The following FBLN2 variants were observed in gnomAD, a reference collection of about 807,000 sequenced individuals.
FBLN2 encodes fibulin-2.
Under a neutral mutation model 123.7 loss-of-function variants are expected in FBLN2, and 81 were observed. The ratio of observed to expected loss-of-function variants is 0.65; its 90% CI spans 0.55 to 0.79. The LOEUF (loss-of-function observed/expected upper bound fraction) is 0.79, where lower values mean the gene tolerates loss of function less well. FBLN2 is among the 30% of genes least tolerant of loss of function. FBLN2 has a pLI of 0.00. For synonymous variants in FBLN2, 699 were observed against 701.4 expected (o/e 1.00, Z 0.05); for missense variants, 1,603 against 1,681.3 (o/e 0.95, Z 0.81).
chr3:13,615,514 T>C (rs1403837130), intron 5 of FBLN2, among the ~76,000 whole-genome samples: 1 of 152,220 alleles, frequency 6.6e-6, no homozygotes, highest in Non-Finnish European at 1.5e-5. Context: ...CCTAGTTCCT[T>C]TGCTTACCTG....
chr3:13,634,510 C>A (rs140011283), intron 16 of FBLN2, among the ~76,000 whole-genome samples: 1 of 152,268 alleles, frequency 6.6e-6, no homozygotes, highest in South Asian at 2.1e-4. Flanking sequence ...CCTGCCCCAC[C>A]CACATAAGCT....
intron 2 of FBLN2, among the ~76,000 whole-genome samples, chr3:13,584,817 A>G (rs113709176): frequency 2.6e-5 from 4 of 152,354 alleles, no homozygotes; most frequent in African/African-American, 7.2e-5. Flanking sequence ...AGCAGCCTCA[A>G]GCTCATCTCT....
At chr3:13,626,376 G>C in intron 9 of FBLN2, 69 bp from the exon 10 acceptor site, 1 of 1,439,852 alleles carries the variant, frequency 6.9e-7, no homozygotes, top group Admixed American at 2.1e-5. Flanking sequence ...GTGGCCCAAG[G>C]TCTGCTGGCT....
intron 2 of FBLN2, among the ~76,000 whole-genome samples, chr3:13,579,011 C>T (rs9857459): frequency 5.2e-4 from 79 of 152,316 alleles, no homozygotes; most frequent in African/African-American, 1.1e-3. Context: ...GCCACGATCA[C>T]GCCTTTGCAC....
chr3:13,634,750 C>T (rs11711559), intron 16 of FBLN2, among the ~76,000 whole-genome samples: 33,298 of 152,084 alleles, frequency 0.22, 3,785 homozygotes, highest in East Asian at 0.32. Flanking sequence ...TGAGCTGACC[C>T]GCTACAAGAG....
rs767836418 is a variant in FBLN2, at chr3:13,631,315, CCTCT to C, written c.3086-9_3086-6del. 1 of 1,599,146 alleles carries C rather than the reference CCTCT, an allele frequency of 6.3e-7. No homozygotes were observed. The highest frequency in any genetic ancestry group is 1.3e-5 in the African/African-American group (1 of 74,804). On this transcript the variant is annotated splice_polypyrimidine_tract_variant and intron_variant, in intron 15 of 17. Coordinates refer to ENST00000404922, the MANE Select transcript of FBLN2 (RefSeq NM_001004019.2). ...TGGACGAGGTTCACCAGGGGCTGAACCTCTCTCTGACAGACATCGACGAGTGTGC... is the reference window on the plus strand; with the variant it reads ...TGGACGAGGTTCACCAGGGGCTGAACCTCTGACAGACATCGACGAGTGTGC...
chr3:13,589,713 C>G (rs1350713246), intron 2 of FBLN2, among the ~76,000 whole-genome samples: 2 of 152,182 alleles, frequency 1.3e-5, no homozygotes, highest in Non-Finnish European at 2.9e-5. Flanking sequence ...ACACAATTAC[C>G]AATTCCCTAA....
At chr3:13,588,068 T>C (rs1704562981) in intron 2 of FBLN2, among the ~76,000 whole-genome samples, 1 of 152,250 alleles carries the variant, frequency 6.6e-6, no homozygotes, top group Non-Finnish European at 1.5e-5. Flanking sequence ...CTGAATTAAC[T>C]GAGACCTGTC....
Position 13,618,114 on chromosome 3 carries a change from C to T in FBLN2, c.1768C>T (p.Leu590=), listed in dbSNP as rs1278898290. Residue 590 remains leucine, a synonymous_variant, in exon 6 of 18, where the codon CTG becomes TTG. Transcript: ENST00000404922. The part of the protein sequence containing the change: ...AEMAGREALS[L]GTEAELPNSL... ...GATGGCGGGCCGAGAGGCCCTGTCA[C>T]TGGGCACAGAGGCCGAGCTGCCGAA... 4 of 1,613,386 alleles carry T rather than the reference C, an allele frequency of 2.5e-6. No individual in the cohort carries two copies. The African/African-American group carries it at 4.0e-5, about 16-fold the overall frequency.
chr3:13,634,680 G>A (rs941534008), intron 16 of FBLN2, among the ~76,000 whole-genome samples: 2 of 152,336 alleles, frequency 1.3e-5, no homozygotes, highest in Non-Finnish European at 1.5e-5. Flanking sequence ...TCACTTCTGC[G>A]CCACCCTGGG....
chr3:13,570,945 A>C lies in FBLN2; in HGVS notation c.590A>C (p.Tyr197Ser). ...CCCGAGCGACACTACGAAGACCCCTACAGCTATGACCAGGAGGTGGCCGAG... is the reference window on the plus strand; with the variant it reads ...CCCGAGCGACACTACGAAGACCCCTCCAGCTATGACCAGGAGGTGGCCGAG... ...GDPERHYEDP[Y>S]SYDQEVAEVE... Residue 197 changes from tyrosine (Y) to serine (S), a missense_variant, in exon 2 of 18, where the codon TAC (tyrosine) becomes TCC (serine). By Grantham distance (144) the Tyr-to-Ser change is moderately radical (BLOSUM62 -2). Transcript: ENST00000404922. The C allele has an allele frequency of 6.2e-7, 1 of 1,612,824 alleles. No individual in the cohort carries two copies. The highest frequency in any genetic ancestry group is 8.5e-7 in the Non-Finnish European group (1 of 1,179,560).
chr3:13,560,740 CCTT>C (rs1250073912), intron 1 of FBLN2, among the ~76,000 whole-genome samples: 1 of 152,176 alleles, frequency 6.6e-6, no homozygotes, highest in African/African-American at 2.4e-5. Context: ...CCTGCCAACA[CCTT>C]CTCTGGCTTT....
At chr3:13,554,767 C>T (rs932110842) in intron 1 of FBLN2, among the ~76,000 whole-genome samples, 14 of 152,114 alleles carry the variant, frequency 9.2e-5, no homozygotes, top group Admixed American at 2.0e-4. Context: ...AGGGCTTCTA[C>T]GGGGACCTGT....
chr3:13,575,759 T>C (rs370843961), intron 2 of FBLN2, among the ~76,000 whole-genome samples: 4 of 152,224 alleles, frequency 2.6e-5, no homozygotes, highest in South Asian at 4.1e-4. Context: ...ACCACGCTTC[T>C]GAGCCTGGCT....
At chr3:13,580,865 T>G (rs1704303266) in intron 2 of FBLN2, among the ~76,000 whole-genome samples, 1 of 152,190 alleles carries the variant, frequency 6.6e-6, no homozygotes, top group Non-Finnish European at 1.5e-5. Context: ...CACGGGCCAG[T>G]TGGGCAGTCC....
chr3:13,594,304 C>CT (rs1704773639), intron 2 of FBLN2, among the ~76,000 whole-genome samples: 1 of 152,104 alleles, frequency 6.6e-6, no homozygotes, highest in Admixed American at 6.6e-5. Flanking sequence ...GGGGGTGGTG[C>CT]TGGGCAGGGC....
chr3:13,571,655 C>T lies in FBLN2; in HGVS notation c.1300C>T (p.Pro434Ser), dbSNP rs1240669203. ...TGTCCATTCTATCCCCAGAAGTAGC[C>T]CTGAAGGTAAGACCCTGTCCTGGTT... is the stretch of plus-strand genomic sequence containing the variant. ...NSVHSIPRSS[P>S]EGSTKDLIET... The change falls in exon 2 of 18, where the codon CCT becomes TCT. Residue 434 changes from proline (P) to serine (S), a missense_variant. Physicochemically the swap from Pro to Ser is moderately conservative, Grantham distance 74. Transcript: ENST00000404922. The T allele has an allele frequency of 6.3e-7, 1 of 1,591,844 alleles. No homozygotes were observed. The highest frequency in any genetic ancestry group is 1.3e-5 in the African/African-American group (1 of 74,562).
In FBLN2 at chr3:13,571,070, C is replaced by T. The variant is rs1411062807; in HGVS notation, c.715C>T (p.Leu239=). 3.2e-6 allele frequency: 5 copies of T among 1,556,542 alleles called. No homozygotes were observed. The highest frequency in any genetic ancestry group is 4.3e-6 in the Non-Finnish European group (5 of 1,150,730). Residue 239 remains leucine, a synonymous_variant, in exon 2 of 18, where the codon CTG becomes TTG. Coordinates refer to ENST00000404922, the MANE Select transcript of FBLN2 (RefSeq NM_001004019.2). ...TGCTCTGGGAGGTGGGAGTCAGCCA[C>T]TGTCCACCATCCAGGCACCCCCCTG... The part of the protein sequence containing the change: ...PAALGGGSQP[L]STIQAPPWPA...
At chr3:13,632,245 G>A (rs546293917) in intron 16 of FBLN2, among the ~76,000 whole-genome samples, 1 of 152,348 alleles carries the variant, frequency 6.6e-6, no homozygotes, top group South Asian at 2.1e-4. Flanking sequence ...CAGCCCCATG[G>A]CCTCTTGGCC....
Sources: gnomAD v4.1 joint callset for allele counts (sites outside exome capture counted in the v4.1 genomes callset) on GRCh38, gnomAD v4.1.1 for gene constraint, MANE v1.5 for transcripts, NCBI Gene and HGNC (gene_info 2026-07-23, HGNC 2026-07-21) for gene names.